Variants in NRXN1 observed in about 807,000 individuals in gnomAD.
NRXN1 encodes neurexin-1.
Under a neutral mutation model 150.9 loss-of-function variants are expected in NRXN1, and 39 were observed. The ratio of observed to expected loss-of-function variants is 0.26; its 90% CI spans 0.20 to 0.34. The LOEUF (loss-of-function observed/expected upper bound fraction) is 0.34, where lower values mean the gene tolerates loss of function less well. Ranked by LOEUF, NRXN1 falls within the 10% of genes least tolerant of loss-of-function variation. NRXN1 has a pLI of 1.00. For synonymous variants in NRXN1, 924 were observed against 757.0 expected (o/e 1.22, Z -3.62); for missense variants, 1,815 against 1,949.9 (o/e 0.93, Z 1.30).
At chr2:50,379,416 G>C (rs2080780949) in intron 17 of NRXN1, among the ~76,000 whole-genome samples, 4 of 152,158 alleles carry the variant, frequency 2.6e-5, no homozygotes, top group Admixed American at 2.6e-4. Context: ...AAACTCTATT[G>C]TGTACAACTC....
intron 5 of NRXN1, among the ~76,000 whole-genome samples, chr2:50,851,386 T>C (rs1441330339): frequency 6.6e-6 from 1 of 152,158 alleles, no homozygotes; most frequent in Non-Finnish European, 1.5e-5. Context: ...AAGAAATATA[T>C]AAGTGTTTTA....
At chr2:50,903,965 T>C (rs894128562) in intron 5 of NRXN1, among the ~76,000 whole-genome samples, 2 of 152,176 alleles carry the variant, frequency 1.3e-5, no homozygotes, top group Non-Finnish European at 2.9e-5. Flanking sequence ...CCTTCCTTTA[T>C]AGACAATCAT....
At chr2:50,906,162 A>C (rs968883884) in intron 5 of NRXN1, among the ~76,000 whole-genome samples, 2 of 152,130 alleles carry the variant, frequency 1.3e-5, no homozygotes, top group African/African-American at 2.4e-5. Flanking sequence ...TTCCATTAAA[A>C]ATACCAAGTA....
intron 17 of NRXN1, among the ~76,000 whole-genome samples, chr2:50,258,737 A>C (rs1326980529): frequency 6.6e-6 from 1 of 152,072 alleles, no homozygotes; most frequent in Non-Finnish European, 1.5e-5. Context: ...TTATAACTTT[A>C]TAAAATGTAT....
At position 50,758,966 on chromosome 2, in the gene NRXN1, G is replaced by A. The variant is rs76258786; in HGVS notation, c.833-135351C>T. Among the ~76,000 whole-genome samples, 1,053 of 152,010 alleles carry A rather than the reference G, an allele frequency of 6.9e-3. 29 individuals carry two copies. The East Asian group carries it at 0.079, about 11-fold the overall frequency. ...TAAAATGACTGTGGCCCAAGGGAAT[G>A]TATCAGAAACCTGTGCACAAGAGTT... On this transcript the variant is annotated intron_variant, in intron 5 of 22. Coordinates refer to ENST00000401669, the MANE Select transcript of NRXN1 (RefSeq NM_001330078.2).
chr2:50,598,978 G>A (rs1050074525), intron 8 of NRXN1, among the ~76,000 whole-genome samples: 6 of 151,756 alleles, frequency 4.0e-5, no homozygotes, highest in African/African-American at 1.5e-4. Flanking sequence ...CACCATGTTG[G>A]CCAGGCTGCT....
At chr2:50,869,129 CT>C (rs942690443) in intron 5 of NRXN1, among the ~76,000 whole-genome samples, 1 of 151,588 alleles carries the variant, frequency 6.6e-6, no homozygotes, top group Admixed American at 6.6e-5. Flanking sequence ...TGTTTTCTTG[CT>C]GACATGTGAT....
At chr2:50,957,638 G>C (rs146559144) in intron 2 of NRXN1, among the ~76,000 whole-genome samples, 1 of 152,134 alleles carries the variant, frequency 6.6e-6, no homozygotes, top group Non-Finnish European at 1.5e-5. Flanking sequence ...TGAAATTTGT[G>C]AAGTAATTTA....
intron 5 of NRXN1, among the ~76,000 whole-genome samples, chr2:50,845,933 G>A (rs900096266): frequency 6.6e-5 from 10 of 152,128 alleles, no homozygotes; most frequent in Non-Finnish European, 1.3e-4. Context: ...CAATAGCACA[G>A]CCCATGAATT....
chr2:50,624,366 T>A (rs529537805), intron 5 of NRXN1, among the ~76,000 whole-genome samples: 124 of 152,212 alleles, frequency 8.1e-4, no homozygotes, highest in Non-Finnish European at 1.2e-3. Context: ...TCAGGTACCA[T>A]AAATGCATAT....
chr2:50,881,352 G>T (rs1313199010), intron 5 of NRXN1, among the ~76,000 whole-genome samples: 1 of 151,860 alleles, frequency 6.6e-6, no homozygotes, highest in African/African-American at 2.4e-5. Flanking sequence ...CCTTGTTCCA[G>T]CTTTCCTAAA....
At chr2:50,844,096 C>A (rs1559341826) in intron 5 of NRXN1, among the ~76,000 whole-genome samples, 2 of 152,060 alleles carry the variant, frequency 1.3e-5, no homozygotes, top group Admixed American at 6.6e-5. Context: ...CCTGGAGGCA[C>A]GAAGAACAGC....
At chr2:50,535,837 A>G (rs1414888272) in intron 10 of NRXN1, among the ~76,000 whole-genome samples, 1 of 152,182 alleles carries the variant, frequency 6.6e-6, no homozygotes, top group Non-Finnish European at 1.5e-5. Flanking sequence ...TCCATGTTGA[A>G]CTTTCTAAAT....
intron 2 of NRXN1, among the ~76,000 whole-genome samples, chr2:50,981,980 C>G (rs1696905986): frequency 6.6e-6 from 1 of 151,838 alleles, no homozygotes; most frequent in South Asian, 2.1e-4. Flanking sequence ...GAAAGAGGAG[C>G]TCTGAAAATA....
At chr2:50,113,929 G>A (rs1011755522) in intron 18 of NRXN1, among the ~76,000 whole-genome samples, 1 of 152,068 alleles carries the variant, frequency 6.6e-6, no homozygotes, top group African/African-American at 2.4e-5. Flanking sequence ...GAGACTATGT[G>A]GGATGCTATA....
At chr2:50,740,683 T>A (rs901989947) in intron 5 of NRXN1, among the ~76,000 whole-genome samples, 1 of 152,190 alleles carries the variant, frequency 6.6e-6, no homozygotes, top group African/African-American at 2.4e-5. Flanking sequence ...TTTTCCAGTA[T>A]TTCTTTACTG....
chr2:50,675,247 G>A (rs1451982930), intron 5 of NRXN1, among the ~76,000 whole-genome samples: 1 of 152,114 alleles, frequency 6.6e-6, no homozygotes, highest in African/African-American at 2.4e-5. Context: ...AGACAGAAGA[G>A]ACTAAGAAGC....
At chr2:50,489,684 T>A (rs1451691237) in intron 15 of NRXN1, among the ~76,000 whole-genome samples, 1 of 152,064 alleles carries the variant, frequency 6.6e-6, no homozygotes, top group East Asian at 1.9e-4. Context: ...AGGGAGTTGA[T>A]AAAACTAAAT....
At chr2:50,083,218 G>C (rs1698227721) in intron 19 of NRXN1, among the ~76,000 whole-genome samples, 1 of 152,168 alleles carries the variant, frequency 6.6e-6, no homozygotes, top group African/African-American at 2.4e-5. Context: ...GCAACTTACA[G>C]ACAAACTACA....
Sources: gnomAD v4.1 joint callset for allele counts (sites outside exome capture counted in the v4.1 genomes callset) on GRCh38, gnomAD v4.1.1 for gene constraint, MANE v1.5 for transcripts, NCBI Gene and HGNC (gene_info 2026-07-23, HGNC 2026-07-21) for gene names.